PPIE: variants seen among roughly 807,000 people sequenced by gnomAD.
PPIE encodes peptidyl-prolyl cis-trans isomerase E.
A neutral mutation model predicts 38.4 loss-of-function variants in PPIE; 20 were observed. The observed-to-expected ratio is 0.52, with a 90% CI of 0.37 to 0.76. The LOEUF (loss-of-function observed/expected upper bound fraction) is 0.76. PPIE is among the 30% of genes least tolerant of loss of function. The probability of loss-of-function intolerance (pLI) is 0.00; values close to 1 mark genes in which losing one functional copy is unlikely to be tolerated. For synonymous variants in PPIE, 142 were observed against 135.7 expected, an observed-to-expected ratio of 1.05 and a Z score of -0.32; for missense variants, 322 against 385.8, an observed-to-expected ratio of 0.83 and a Z score of 1.39.
At chr1:39,757,322 T>A (rs908397096), downstream of PPIE, 1 of 152,270 alleles carries the variant, frequency 6.6e-6, no homozygotes, top group Admixed American at 6.5e-5. Flanking sequence ...ATATTTAGTC[T>A]TTATAATAGC....
At position 39,745,575 on chromosome 1, in the gene PPIE, C is replaced by T. The variant is rs1233272659; in HGVS notation, c.508+77C>T. 6.9e-6 allele frequency: 11 copies of T among 1,601,898 alleles called. No individual in the cohort carries two copies. In the Admixed American group the frequency reaches 1.9e-4, roughly 27 times the overall value. On this transcript the variant is annotated intron_variant, in intron 7 of 9. Coordinates refer to ENST00000324379, the MANE Select transcript of PPIE (RefSeq NM_006112.4). ...AGCCTTTCCCAGGTTCTTACTGCTT[C>T]ACTTCTTGTGTCCTTGATATTGCTT...
downstream of PPIE, chr1:39,760,082 C>T: frequency 3.1e-6 from 1 of 323,734 alleles, no homozygotes; most frequent in Non-Finnish European, 5.9e-6. Context: ...ACGACCTGAG[C>T]CAGTAAGGGG....
intron 6 of PPIE, 144 bp from the exon 7 acceptor site, chr1:39,745,231 C>T: frequency 2.7e-6 from 3 of 1,109,868 alleles, no homozygotes; most frequent in Non-Finnish European, 3.9e-6. Flanking sequence ...TCCTGCAGCC[C>T]TATCAGGGCC....
chr1:39,738,892 G>C lies in PPIE; in HGVS notation c.-9G>C. Reference sequence around the variant, plus strand: ...GTGCTGGCTTCCGGCGGAAAAGCGCGCGAGCAAGATGGCCACCACCAAGCG... The same window carrying C: ...GTGCTGGCTTCCGGCGGAAAAGCGCCCGAGCAAGATGGCCACCACCAAGCG... On this transcript the variant is annotated 5_prime_UTR_variant, in exon 1 of 10. Coordinates refer to ENST00000324379, the MANE Select transcript of PPIE (RefSeq NM_006112.4). 1 of 1,513,502 alleles carries C rather than the reference G, an allele frequency of 6.6e-7. No homozygotes were observed. The highest frequency in any genetic ancestry group is 8.8e-7 in the Non-Finnish European group (1 of 1,133,332). The allele number at this position is 1,513,502 out of a possible 1,614,324, so 93.8% of individuals were successfully genotyped here.
At chr1:39,758,222 A>G (rs1016044882), downstream of PPIE, 1 of 152,246 alleles carries the variant, frequency 6.6e-6, no homozygotes, top group Admixed American at 6.5e-5. Flanking sequence ...TAGGATGGCA[A>G]ACAGGTTCCA....
At position 39,749,072 on chromosome 1, in the gene PPIE, C is replaced by T. The variant is rs754606907; in HGVS notation, c.678C>T (p.Leu226=). 3 of 1,604,914 alleles carry T rather than the reference C, an allele frequency of 1.9e-6. No homozygotes were observed. Among genetic ancestry groups the T allele is most frequent in the African/African-American group, 1.3e-5 (1 of 74,482 alleles). ...AGTTCGATGATGAAAACTTTATCCT[C>T]AAGCATACGGGACCAGGTAGGAGCC... is the stretch of plus-strand genomic sequence containing the variant. ...GKKFDDENFI[L]KHTGPGLLSM... is the part of the protein sequence containing the mutation. Residue 226 remains leucine, a synonymous_variant, in exon 8 of 10, where the codon CTC becomes CTT. Transcript: ENST00000324379.
At chr1:39,759,351 C>G (rs945879281), downstream of PPIE, 1 of 152,320 alleles carries the variant, frequency 6.6e-6, no homozygotes, top group Non-Finnish European at 1.5e-5. Context: ...GCCCCAGACC[C>G]GGTCACAGGC....
chr1:39,741,733 T>G, intron 3 of PPIE, 162 bp from the exon 4 acceptor site: 1 of 749,166 alleles, frequency 1.3e-6, no homozygotes, highest in South Asian at 1.8e-5. Flanking sequence ...CCACCAGCTC[T>G]AAAATCAGCC....
Position 39,763,386 on chromosome 1 carries a change from C to CCCCTCCCCAGCCGG in PPIE, c.838-294_838-281dup, listed in dbSNP as rs751592521. On this transcript the variant is annotated intron_variant, in intron 9 of 9. Transcript: ENST00000356511. ...CATCCCCCATATCTTCACTTTGCGT[C>CCCCTCCCCAGCCGG]CCCTCCCCAGCCGGCCCTCCCCTGC... Among the ~76,000 whole-genome samples the CCCCTCCCCAGCCGG allele has an allele frequency of 1.7e-3, 227 of 137,390 alleles. 7 individuals carry two copies. The highest frequency in any genetic ancestry group is 4.3e-3 in the African/African-American group (161 of 37,674). The allele number at this position is 137,390 out of a possible 152,430, so 90.1% of individuals were successfully genotyped here. A position where few individuals can be genotyped will look rare whatever the true frequency, so the allele number is the denominator to read the frequency against.
chr1:39,753,289 C>G lies in PPIE; in HGVS notation c.840C>G (p.Ala280=), dbSNP rs866009939. The change falls in exon 10 of 10, where the codon GCC becomes GCG. Residue 280 remains alanine, a splice_region_variant and synonymous_variant. Coordinates refer to ENST00000324379, the MANE Select transcript of PPIE (RefSeq NM_006112.4). ...EGLDVLRQIE[A]QGSKDGKPKQ... ...CTCACTTCTATTCTGCCACAAAGGC[C>G]CAGGGCAGCAAGGACGGGAAGCCAA... The G allele has an allele frequency of 6.2e-7, 1 of 1,614,000 alleles. No individual in the cohort carries two copies. The highest frequency in any genetic ancestry group is 1.7e-5 in the Admixed American group (1 of 59,990).
chr1:39,740,104 G>T, intron 1 of PPIE, 61 bp from the exon 2 acceptor site: 5 of 1,382,740 alleles, frequency 3.6e-6, no homozygotes, highest in Non-Finnish European at 5.1e-6. Context: ...TAACTGGGCT[G>T]CAAGGACTTC....
At chr1:39,741,299 G>T (rs1557441601) in intron 2 of PPIE, 67 bp from the exon 3 acceptor site, 1 of 1,455,322 alleles carries the variant, frequency 6.9e-7, no homozygotes. Context: ...ACTTCACTTT[G>T]TGACCATCCT....
At chr1:39,760,183 A>C (rs1648741955), downstream of PPIE, 1 of 701,056 alleles carries the variant, frequency 1.4e-6, no homozygotes. Context: ...TTTGGGTAGA[A>C]CACTGCCTGA....
intron 4 of PPIE, 200 bp downstream of exon 4, chr1:39,742,121 G>A (rs1391545310): frequency 3.5e-6 from 2 of 578,166 alleles, no homozygotes; most frequent in African/African-American, 1.9e-5. Context: ...TCAGAATAAT[G>A]TAAGTCCTCA....
At chr1:39,750,871 CAT>C (rs977608026) in intron 8 of PPIE, among the ~76,000 whole-genome samples, 12 of 152,290 alleles carry the variant, frequency 7.9e-5, no homozygotes, top group Admixed American at 6.5e-4. Flanking sequence ...ACTGAACTGA[CAT>C]GTGTAGGTGA....
chr1:39,751,651 C>T (rs1045517096), intron 8 of PPIE, among the ~76,000 whole-genome samples: 1 of 152,198 alleles, frequency 6.6e-6, no homozygotes, highest in Non-Finnish European at 1.5e-5. Context: ...TTAGCCACTG[C>T]GCCCAGCCTC....
Position 39,743,233 on chromosome 1 carries a change from T to C in PPIE, c.219T>C (p.Phe73=). Reference sequence around the variant, plus strand: ...CTTTTCAGAATGAATCTGAGCTTTTTGGACGTACAATTCGTGTCAATTTGG... The same window carrying C: ...CTTTTCAGAATGAATCTGAGCTTTTCGGACGTACAATTCGTGTCAATTTGG... ...AIDNMNESEL[F]GRTIRVNLAK... is the part of the protein sequence containing the mutation. Residue 73 remains phenylalanine, a synonymous_variant, in exon 5 of 10, where the codon TTT becomes TTC. Transcript: ENST00000324379. 7.4e-6 allele frequency: 12 copies of C among 1,614,192 alleles called. No individual in the cohort carries two copies. The highest frequency in any genetic ancestry group is 1.0e-5 in the Non-Finnish European group (12 of 1,180,002).
At position 39,739,522 on chromosome 1, in the gene PPIE, G is replaced by A. The variant is rs576573504; in HGVS notation, c.31+591G>A. On this transcript the variant is annotated intron_variant, in intron 1 of 9. Coordinates refer to ENST00000324379, the MANE Select transcript of PPIE (RefSeq NM_006112.4). ...TACCTCAGTAGCACACTTTTGATAA[G>A]CGCTGTAGTGAGGATGGATCATGAT... 1.1e-4 allele frequency among the ~76,000 whole-genome samples: 17 copies of A among 152,294 alleles called. No homozygotes were observed. In the South Asian group the frequency reaches 2.9e-3, roughly 26 times the overall value.
chr1:39,743,736 A>G (rs491164), intron 5 of PPIE, 88 bp from the exon 6 acceptor site: 134,802 of 1,025,724 alleles, frequency 0.13, 9,673 homozygotes, highest in Admixed American at 0.16. Flanking sequence ...CAGGCCACAT[A>G]GCATCTTCCA....
Sources: gnomAD v4.1 joint callset for allele counts (sites outside exome capture counted in the v4.1 genomes callset) on GRCh38, gnomAD v4.1.1 for gene constraint, MANE v1.5 for transcripts, NCBI Gene and HGNC (gene_info 2026-07-23, HGNC 2026-07-21) for gene names.